Variants in TNRC6B observed in about 807,000 individuals in gnomAD.
TNRC6B encodes trinucleotide repeat containing adaptor 6B.
TNRC6B carries 52 observed loss-of-function variants against 203.6 expected under a neutral mutation model. The ratio of observed to expected loss-of-function variants is 0.26; its 90% CI spans 0.20 to 0.32. The LOEUF (loss-of-function observed/expected upper bound fraction) is 0.32. Among genes scored for constraint, TNRC6B ranks in the 10% least tolerant of loss-of-function variants. The probability of loss-of-function intolerance (pLI) is 1.00; values close to 1 mark genes in which losing one functional copy is unlikely to be tolerated. For missense variants in TNRC6B, 1,923 were observed against 2,286.2 expected, an observed-to-expected ratio of 0.84 and a Z score of 3.24; for synonymous variants, 838 against 845.7, an observed-to-expected ratio of 0.99 and a Z score of 0.16.
intron 1 of TNRC6B, among the ~76,000 whole-genome samples, chr22:40,061,232 G>T (rs528791201): frequency 1.3e-5 from 2 of 152,208 alleles, no homozygotes; most frequent in African/African-American, 4.8e-5. Flanking sequence ...ATTATTATTT[G>T]AGACGGAGTT....
At chr22:40,185,031 G>A (rs1016360083) in intron 1 of TNRC6B, among the ~76,000 whole-genome samples, 6 of 151,914 alleles carry the variant, frequency 3.9e-5, no homozygotes, top group South Asian at 2.1e-4. Context: ...AGTCTTGCTC[G>A]CCAGGCTGGA....
Position 40,323,194 on chromosome 22 carries a change from C to G in TNRC6B, c.5455C>G (p.Pro1819Ala). The change falls in exon 23 of 23, where the codon CCT becomes GCT. Residue 1819 changes from proline (P) to alanine (A), a missense_variant. Physicochemically the swap from Pro to Ala is conservative, Grantham distance 27 (BLOSUM62 -1). Around this residue, in one of 8 missense-constraint regions of TNRC6B, gnomAD observed 126 missense variants for 137.5 expected, o/e 0.92. Coordinates refer to ENST00000454349, the MANE Select transcript of TNRC6B (RefSeq NM_001162501.2). ...EDPHRMGSPA[P>A]LLPGDLLGGG... Reference sequence around the variant, plus strand: ...TCCCCATAGGATGGGCAGCCCTGCTCCTTTACTACCTGGTGACCTTCTGGG... The same window carrying G: ...TCCCCATAGGATGGGCAGCCCTGCTGCTTTACTACCTGGTGACCTTCTGGG... The G allele has an allele frequency of 6.2e-7, 1 of 1,613,556 alleles. No individual in the cohort carries two copies. Among genetic ancestry groups the G allele is most frequent in the Non-Finnish European group, 8.5e-7 (1 of 1,179,882 alleles).
rs71199275 is a variant in TNRC6B at position 40,218,324 on chromosome 22, C to CTTTTTT, written c.6-27676_6-27671dup. On this transcript the variant is annotated intron_variant, in intron 1 of 22. Transcript: ENST00000454349. ...TGATTTTTTTTTTCTTTTTTCTTTT[C>CTTTTTT]TTTTTTTTTTTTTTTTTTTTGAGAC... 8.6e-3 allele frequency among the ~76,000 whole-genome samples: 834 copies of CTTTTTT among 97,368 alleles called. 1 individual carries two copies. Among genetic ancestry groups the CTTTTTT allele is most frequent in the Admixed American group, 0.014 (95 of 6,776 alleles). The allele number at this position is 97,368 out of a possible 152,430, so 63.9% of individuals were successfully genotyped here. A position where few individuals can be genotyped will look rare whatever the true frequency, so the allele number is the denominator to read the frequency against.
At chr22:40,059,477 G>A (rs1388196051) in intron 1 of TNRC6B, among the ~76,000 whole-genome samples, 1 of 152,042 alleles carries the variant, frequency 6.6e-6, no homozygotes, top group Non-Finnish European at 1.5e-5. Context: ...CTAGTACTTC[G>A]AGTACCATGC....
intron 1 of TNRC6B, among the ~76,000 whole-genome samples, chr22:40,220,539 T>G (rs940269235): frequency 2.9e-4 from 44 of 152,106 alleles, no homozygotes; most frequent in African/African-American, 1.1e-3. Flanking sequence ...GTTTTATAAG[T>G]ATGTGTACAC....
At chr22:40,097,410 G>A (rs932578895) in intron 1 of TNRC6B, among the ~76,000 whole-genome samples, 2 of 151,972 alleles carry the variant, frequency 1.3e-5, no homozygotes, top group African/African-American at 2.4e-5. Flanking sequence ...GGCTCAAACA[G>A]TCCTCCTGCT....
intron 1 of TNRC6B, among the ~76,000 whole-genome samples, chr22:40,201,677 G>C (rs546625947): frequency 7.2e-5 from 11 of 151,820 alleles, no homozygotes; most frequent in Non-Finnish European, 1.5e-4. Flanking sequence ...CTCCCACCTC[G>C]GCCTCTTGAG....
intron 9 of TNRC6B, among the ~76,000 whole-genome samples, chr22:40,279,569 G>T (rs564598223): frequency 6.6e-5 from 10 of 152,126 alleles, no homozygotes; most frequent in Non-Finnish European, 1.3e-4. Context: ...GTTTCACCCA[G>T]ACCATTTATC....
chr22:40,175,905 C>G (rs919072913), upstream of TNRC6B, among the ~76,000 whole-genome samples: 6 of 152,158 alleles, frequency 3.9e-5, no homozygotes, highest in African/African-American at 1.4e-4. Context: ...AGGCGGGAGA[C>G]TGTATAAAGA....
chr22:40,087,078 T>C lies in TNRC6B; in HGVS notation c.-120-29977T>C, dbSNP rs557346394. Reference sequence around the variant, plus strand: ...TTGGAAAATTTTGCTTTATTATATATCCTCAGCTTATACTGCATCAGTAGT... The same window carrying C: ...TTGGAAAATTTTGCTTTATTATATACCCTCAGCTTATACTGCATCAGTAGT... On this transcript the variant is annotated intron_variant, in intron 1 of 23. Coordinates refer to the TNRC6B transcript ENST00000301923. Among the ~76,000 whole-genome samples, 8 of 152,226 alleles carry C rather than the reference T, an allele frequency of 5.3e-5. No homozygotes were observed. The South Asian group carries it at 8.3e-4, about 16-fold the overall frequency.
chr22:40,251,302 T>A, intron 3 of TNRC6B, 102 bp downstream of exon 3: 1 of 882,934 alleles, frequency 1.1e-6, no homozygotes, highest in Non-Finnish European at 1.7e-6. Flanking sequence ...AGAGTGGGCG[T>A]AGAGTAATTA....
At position 40,261,711 on chromosome 22, in the gene TNRC6B, C is replaced by A. The variant is rs1031639937; in HGVS notation, c.116-121C>A. The A allele has an allele frequency of 1.7e-5, 15 of 890,778 alleles. 1 individual carries two copies. In the South Asian group the frequency reaches 3.0e-4, roughly 18 times the overall value. 55.2% of individuals were successfully genotyped at this position (890,778 alleles called of 1,614,324 possible). A position where few individuals can be genotyped will look rare whatever the true frequency, so the allele number is the denominator to read the frequency against. The stretch of plus-strand genomic sequence containing the variant: ...GAGTCCCTTGAGCCCGAGTTCAAGA[C>A]CAGCATGGGCAACATGGCAAGACCC... On this transcript the variant is annotated intron_variant, in intron 3 of 22. Transcript: ENST00000454349.
chr22:40,269,089 CAT>C (rs1039075364), intron 5 of TNRC6B, among the ~76,000 whole-genome samples: 2 of 147,730 alleles, frequency 1.4e-5, no homozygotes, highest in Admixed American at 6.8e-5. Flanking sequence ...AATTTTAGCA[CAT>C]AGTCTGCTGC....
At position 40,325,440 on chromosome 22, in the gene TNRC6B, A is replaced by G. The variant is rs2071389378; in HGVS notation, c.*2199A>G. ...CTAGCCTCAAAAGAGATTGACAGGC[A>G]TGACTCAAGTGAGTGTTCACATATA... is the stretch of plus-strand genomic sequence containing the variant. On this transcript the variant is annotated 3_prime_UTR_variant, in exon 23 of 23. Transcript: ENST00000454349. 6.6e-6 allele frequency: 1 copy of G among 152,590 alleles called. No individual in the cohort carries two copies. The highest frequency in any genetic ancestry group is 6.5e-5 in the Admixed American group (1 of 15,278). 9.5% of individuals were successfully genotyped at this position (152,590 alleles called of 1,614,324 possible).
chr22:40,318,773 C>T (rs921392198), intron 21 of TNRC6B, among the ~76,000 whole-genome samples: 1 of 152,040 alleles, frequency 6.6e-6, no homozygotes, highest in African/African-American at 2.4e-5. Flanking sequence ...CTTGTTCTAT[C>T]TTATGAAAAA....
chr22:40,282,291 A>G (rs1046078417), intron 11 of TNRC6B, among the ~76,000 whole-genome samples: 2 of 152,182 alleles, frequency 1.3e-5, no homozygotes, highest in African/African-American at 4.8e-5. Flanking sequence ...TATGCTTTCT[A>G]ATTGCTGCCT....
intron 4 of TNRC6B, among the ~76,000 whole-genome samples, chr22:40,171,904 A>C (rs534820652): frequency 1.3e-5 from 2 of 152,182 alleles, no homozygotes; most frequent in South Asian, 4.2e-4. Flanking sequence ...TCTGTTGCCC[A>C]GGCTGGAGTG....
Position 40,323,691 on chromosome 22 carries a change from T to C in TNRC6B, c.*450T>C, listed in dbSNP as rs2071368631. 1 of 127,024 alleles carries C rather than the reference T, an allele frequency of 7.9e-6. No homozygotes were observed. The highest frequency in any genetic ancestry group is 9.8e-5 in the Admixed American group (1 of 10,252). The allele number at this position is 127,024 out of a possible 1,614,324, so 7.9% of individuals were successfully genotyped here. ...TGTGTTTCCGTCCTTAGGTCTACCA[T>C]GTTTGGGAGGGAGGGAAATTCAAAA... On this transcript the variant is annotated 3_prime_UTR_variant, in exon 23 of 23. Coordinates refer to ENST00000454349, the MANE Select transcript of TNRC6B (RefSeq NM_001162501.2).
intron 1 of TNRC6B, among the ~76,000 whole-genome samples, chr22:40,181,830 A>G (rs1209535621): frequency 6.6e-6 from 1 of 151,580 alleles, no homozygotes; most frequent in Non-Finnish European, 1.5e-5. Flanking sequence ...TGTCATCTCA[A>G]CTACTCAGGA....
Sources: allele counts gnomAD v4.1 joint callset (sites outside exome capture counted in the v4.1 genomes callset), GRCh38; gene constraint gnomAD v4.1.1; regional missense constraint gnomAD v4.1.1; transcripts MANE v1.5; gene names NCBI Gene and HGNC (gene_info 2026-07-23, HGNC 2026-07-21).